PRKN: variants seen among roughly 807,000 people sequenced by gnomAD.
PRKN encodes the protein E3 ubiquitin-protein ligase parkin.
Under a neutral mutation model 59.5 loss-of-function variants are expected in PRKN, and 56 were observed. That is an observed-to-expected ratio of 0.94 (90% CI 0.76 to 1.18). PRKN has a LOEUF of 1.18. PRKN is among the 50% of genes most tolerant of loss of function. The probability of loss-of-function intolerance (pLI) is 0.00; values close to 1 mark genes in which losing one functional copy is unlikely to be tolerated. For synonymous variants in PRKN, 250 were observed against 222.1 expected (o/e 1.13, Z -1.12); for missense variants, 657 against 596.4 (o/e 1.10, Z -1.06).
At chr6:161,712,672 T>A (rs1241938856) in intron 7 of PRKN, among the ~76,000 whole-genome samples, 1 of 152,174 alleles carries the variant, frequency 6.6e-6, no homozygotes, top group Non-Finnish European at 1.5e-5. Flanking sequence ...AGATGAACTC[T>A]ACTCTCTTTT....
intron 2 of PRKN, among the ~76,000 whole-genome samples, chr6:162,379,673 T>C (rs1786320790): frequency 6.6e-6 from 1 of 152,172 alleles, no homozygotes; most frequent in Non-Finnish European, 1.5e-5. Flanking sequence ...AGAGCATGCA[T>C]GTGGACAGAG....
chr6:161,793,980 T>C (rs1181656934), intron 6 of PRKN, among the ~76,000 whole-genome samples: 2 of 152,178 alleles, frequency 1.3e-5, no homozygotes, highest in Admixed American at 6.5e-5. Context: ...TCGGTGTTTG[T>C]TTCCAAGTTT....
intron 1 of PRKN, among the ~76,000 whole-genome samples, chr6:162,590,686 C>T (rs1419697535): frequency 1.3e-5 from 2 of 152,076 alleles, no homozygotes; most frequent in South Asian, 2.1e-4. Context: ...CAATGAAACC[C>T]GTAAGAAACA....
rs1195939440 is a variant in PRKN at position 161,526,328 on chromosome 6, T to G, written c.1083+22526A>C. ...ACACAAACACACCTGTTCAACAGAT[T>G]ACAGTTGCTTATTGTATTGTACTTG... On this transcript the variant is annotated intron_variant, in intron 9 of 11. Transcript: ENST00000366898. The surrounding 1 kb of genome is among the most constrained non-coding windows in gnomAD (Gnocchi z 4.1). 1.3e-5 allele frequency among the ~76,000 whole-genome samples: 2 copies of G among 152,226 alleles called. No homozygotes were observed. Among genetic ancestry groups the G allele is most frequent in the Non-Finnish European group, 2.9e-5 (2 of 68,044 alleles).
chr6:161,964,786 T>C (rs1780514777), intron 6 of PRKN, among the ~76,000 whole-genome samples: 2 of 152,066 alleles, frequency 1.3e-5, no homozygotes, highest in South Asian at 4.1e-4. Context: ...TTTCTCACCA[T>C]GCTCCTCAGA....
intron 6 of PRKN, among the ~76,000 whole-genome samples, chr6:161,915,226 C>A (rs112698646): frequency 0.013 from 1,948 of 152,190 alleles, 42 homozygotes; most frequent in African/African-American, 0.042. Flanking sequence ...GTGGAGGTTG[C>A]AGTGAGCCGA....
intron 1 of PRKN, among the ~76,000 whole-genome samples, chr6:162,546,546 C>T (rs1054259983): frequency 4.6e-5 from 7 of 151,898 alleles, no homozygotes; most frequent in Non-Finnish European, 8.8e-5. Context: ...TGGGTTCAAG[C>T]TATTCTCCTG....
chr6:161,724,185 C>T lies in PRKN; in HGVS notation c.871+61587G>A, dbSNP rs530466566. 2.6e-5 allele frequency among the ~76,000 whole-genome samples: 4 copies of T among 152,312 alleles called. No individual in the cohort carries two copies. In the South Asian group the frequency reaches 8.3e-4, roughly 32 times the overall value. ...AATAAGAGTCCTTATCTGCCAAGTCCTAGTAATGCTACTGCAGAGGGGAAC... is the reference window on the plus strand; with the variant it reads ...AATAAGAGTCCTTATCTGCCAAGTCTTAGTAATGCTACTGCAGAGGGGAAC... On this transcript the variant is annotated intron_variant, in intron 7 of 11. Coordinates refer to ENST00000366898, the MANE Select transcript of PRKN (RefSeq NM_004562.3).
At chr6:161,805,430 T>A (rs1791267246) in intron 6 of PRKN, among the ~76,000 whole-genome samples, 11 of 148,436 alleles carry the variant, frequency 7.4e-5, no homozygotes, top group Non-Finnish European at 1.5e-5. Context: ...CCTCCTTCTG[T>A]GGCCTTCCTG....
chr6:161,509,946 C>T (rs1778324744), intron 9 of PRKN, among the ~76,000 whole-genome samples: 1 of 149,376 alleles, frequency 6.7e-6, no homozygotes, highest in Non-Finnish European at 1.5e-5. Flanking sequence ...TATAAAATGG[C>T]TTAATTAATC....
intron 4 of PRKN, among the ~76,000 whole-genome samples, chr6:162,057,145 C>T (rs1355886361): frequency 1.3e-5 from 2 of 152,046 alleles, no homozygotes; most frequent in African/African-American, 4.8e-5. Flanking sequence ...ATAGGAGGGT[C>T]GGGGCTCATC....
At chr6:162,072,100 A>C (rs2128290975) in intron 4 of PRKN, among the ~76,000 whole-genome samples, 1 of 152,250 alleles carries the variant, frequency 6.6e-6, no homozygotes, top group Non-Finnish European at 1.5e-5. Flanking sequence ...GGAATACTGA[A>C]AGAGACTTTT....
In PRKN at chr6:161,575,375, T is replaced by G; in HGVS notation, c.872-5959A>C. Among the ~76,000 whole-genome samples the G allele has an allele frequency of 6.6e-6, 1 of 152,270 alleles. No homozygotes were observed. The highest frequency in any genetic ancestry group is 1.9e-4 in the East Asian group (1 of 5,178). On this transcript the variant is annotated intron_variant, in intron 7 of 11. Transcript: ENST00000366898. This position sits in a 1 kb window ranked among gnomAD's most constrained non-coding sequence, Gnocchi z 4.6. ...TTGTGTAGCATTTCCACAAAGTCAC[T>G]GACAGCTACTGAGAAAAAGCAACCC...
chr6:161,810,802 G>A (rs1206339066), intron 6 of PRKN, among the ~76,000 whole-genome samples: 6 of 152,094 alleles, frequency 3.9e-5, no homozygotes, highest in African/African-American at 1.2e-4. Context: ...TTATCCTTAG[G>A]ATTCTAATTC....
At chr6:162,136,578 T>C (rs1562534093) in intron 4 of PRKN, among the ~76,000 whole-genome samples, 1 of 152,222 alleles carries the variant, frequency 6.6e-6, no homozygotes, top group Admixed American at 6.5e-5. Flanking sequence ...TAGGCATAAG[T>C]TGCCTCATTT....
At position 161,357,856 on chromosome 6, in the gene PRKN, G is replaced by A. The variant is rs1214950665; in HGVS notation, c.1285+2232C>T. On this transcript the variant is annotated intron_variant, in intron 11 of 11. Coordinates refer to ENST00000366898, the MANE Select transcript of PRKN (RefSeq NM_004562.3). The surrounding 1 kb of genome is among the most constrained non-coding windows in gnomAD (Gnocchi z 5.5). The stretch of plus-strand genomic sequence containing the variant: ...TCTCACGGAGCGTGTTTGATGCACC[G>A]TCTCTGTTACTCCTCCTGCCCATGC... Among the ~76,000 whole-genome samples the A allele has an allele frequency of 1.3e-5, 2 of 152,122 alleles. No individual in the cohort carries two copies. The highest frequency in any genetic ancestry group is 2.9e-5 in the Non-Finnish European group (2 of 68,034).
intron 6 of PRKN, among the ~76,000 whole-genome samples, chr6:161,955,495 CATT>C (rs1244536165): frequency 6.6e-6 from 1 of 152,084 alleles, no homozygotes; most frequent in Non-Finnish European, 1.5e-5. Context: ...GCCTTAAAAA[CATT>C]ATTGTTTTCA....
intron 1 of PRKN, among the ~76,000 whole-genome samples, chr6:162,701,686 C>A (rs1778156622): frequency 6.6e-6 from 1 of 151,796 alleles, no homozygotes; most frequent in Admixed American, 6.6e-5. Flanking sequence ...GCTTTCTTCA[C>A]TCTCTTTTTT....
chr6:162,637,556 T>A (rs1777775820), intron 1 of PRKN, among the ~76,000 whole-genome samples: 1 of 152,012 alleles, frequency 6.6e-6, no homozygotes, highest in Admixed American at 6.5e-5. Context: ...TCACTTTGAG[T>A]CCCATGGACA....
Sources: allele counts gnomAD v4.1 joint callset (sites outside exome capture counted in the v4.1 genomes callset), GRCh38; gene constraint gnomAD v4.1.1; non-coding constraint Gnocchi (gnomAD v3.1); transcripts MANE v1.5; gene names NCBI Gene and HGNC (gene_info 2026-07-23, HGNC 2026-07-21).